The following SRP68 variants were observed in gnomAD, a reference collection of about 807,000 sequenced individuals.
SRP68 encodes signal recognition particle subunit SRP68.
A neutral mutation model predicts 82.2 loss-of-function variants in SRP68; 15 were observed. That is an observed-to-expected ratio of 0.18 (90% CI 0.12 to 0.28). The LOEUF is 0.28. Ranked by LOEUF, SRP68 falls within the 10% of genes least tolerant of loss-of-function variation. The pLI, the probability that SRP68 is intolerant of heterozygous loss-of-function variation, is 1.00. For missense variants in SRP68, 595 were observed against 780.5 expected, an observed-to-expected ratio of 0.76 and a Z score of 2.83; for synonymous variants, 261 against 292.6, an observed-to-expected ratio of 0.89 and a Z score of 1.10.
intron 8 of SRP68, 61 bp from the exon 9 acceptor site, chr17:76,050,587 G>A (rs1047234225): frequency 7.6e-7 from 1 of 1,312,934 alleles, no homozygotes; most frequent in African/African-American, 1.5e-5. Context: ...TCACCTAATG[G>A]GAGAGGAGCA....
chr17:76,062,047 G>C (rs576539372), intron 4 of SRP68, among the ~76,000 whole-genome samples: 37 of 152,092 alleles, frequency 2.4e-4, no homozygotes, highest in African/African-American at 8.7e-4. Context: ...AACACTGGGA[G>C]GCCGAGGTGA....
intron 8 of SRP68, among the ~76,000 whole-genome samples, chr17:76,055,059 T>G (rs1422052186): frequency 6.6e-6 from 1 of 151,194 alleles, no homozygotes; most frequent in East Asian, 2.0e-4. Context: ...CGGGTTTAAG[T>G]GATTCTCCTG....
At chr17:76,059,883 T>G (rs547273859) in intron 7 of SRP68, among the ~76,000 whole-genome samples, 1 of 151,718 alleles carries the variant, frequency 6.6e-6, no homozygotes, top group Non-Finnish European at 1.5e-5. Context: ...CCCAGCACTT[T>G]GGGAGGCTGA....
intron 7 of SRP68, 67 bp from the exon 8 acceptor site, chr17:76,057,610 G>A (rs557170905): frequency 6.5e-7 from 1 of 1,542,744 alleles, no homozygotes; most frequent in African/African-American, 1.4e-5. Flanking sequence ...GAAAATAAGT[G>A]GAATCTATCA....
chr17:76,063,758 T>C (rs1043619827), intron 4 of SRP68, among the ~76,000 whole-genome samples: 6 of 151,336 alleles, frequency 4.0e-5, no homozygotes, highest in African/African-American at 1.2e-4. Flanking sequence ...TTCTATTTTA[T>C]GGAATGAAGC....
rs1463817627 is a variant in SRP68, at chr17:76,047,891, TA to T, written c.1142+14del. The T allele has an allele frequency of 1.4e-6, 2 of 1,413,068 alleles. No individual in the cohort carries two copies. Among genetic ancestry groups the T allele is most frequent in the African/African-American group, 2.9e-5 (2 of 68,610 alleles). The allele number at this position is 1,413,068 out of a possible 1,614,324, so 87.5% of individuals were successfully genotyped here. On this transcript the variant is annotated intron_variant, in intron 10 of 15. Coordinates refer to ENST00000307877, the MANE Select transcript of SRP68 (RefSeq NM_014230.4). ...TAATAATATTAAAAAGTAAAAAAATTAAAATAACCCTTACCTATGCAAGTAT... is the reference window on the plus strand; with the variant it reads ...TAATAATATTAAAAAGTAAAAAAATTAAATAACCCTTACCTATGCAAGTAT...
Position 76,050,443 on chromosome 17 carries a change from C to A in SRP68, c.1062G>T (p.Glu354Asp), listed in dbSNP as rs145478645. ...AGGGTCCTACCTGATCTGGCTTGAG[C>A]TCCTCCCGAACCACCTGGATGGCGT... ...CRDAIQVVRE[E>D]LKPDQKQRDY... is the part of the protein sequence containing the mutation. Residue 354 changes from glutamate (E) to aspartate (D), a missense_variant, in exon 9 of 16, where the codon GAG becomes GAT. This residue lies in a region of SRP68 where 495 missense variants were observed against 688.6 expected (regional missense o/e 0.72). Coordinates refer to ENST00000307877, the MANE Select transcript of SRP68 (RefSeq NM_014230.4). 6.2e-7 allele frequency: 1 copy of A among 1,613,638 alleles called. No individual in the cohort carries two copies.
Position 76,064,098 on chromosome 17 carries a change from T to C in SRP68, c.439A>G (p.Thr147Ala), listed in dbSNP as rs370884129. The C allele has an allele frequency of 6.8e-6, 11 of 1,614,102 alleles. No homozygotes were observed. In the African/African-American group the frequency reaches 1.1e-4, roughly 16 times the overall value. Residue 147 changes from threonine (T) to alanine (A), a missense_variant, in exon 4 of 16, where the codon ACT (threonine) becomes GCT (alanine). This residue lies in a region of SRP68 where 495 missense variants were observed against 688.6 expected (regional missense o/e 0.72). Coordinates refer to ENST00000307877, the MANE Select transcript of SRP68 (RefSeq NM_014230.4). Reference sequence around the variant, plus strand: ...AAGTGAAACCGTTTTCGGGGTTCAGTGTTGGCTTCCTGTTTCAGCTGCATG... The same window carrying C: ...AAGTGAAACCGTTTTCGGGGTTCAGCGTTGGCTTCCTGTTTCAGCTGCATG... ...YAMQLKQEANTEPRKRFHLLS... is the reference protein window; with the variant it reads ...YAMQLKQEANAEPRKRFHLLS...
chr17:76,057,582 G>A, intron 7 of SRP68, 39 bp from the exon 8 acceptor site: 4 of 1,607,052 alleles, frequency 2.5e-6, no homozygotes, highest in Non-Finnish European at 3.4e-6. Flanking sequence ...TTTAACTGGG[G>A]ATATGAGTGA....
At position 76,052,010 on chromosome 17, in the gene SRP68, A is replaced by G. The variant is rs376437887; in HGVS notation, c.979-1484T>C. On this transcript the variant is annotated intron_variant, in intron 8 of 15. Transcript: ENST00000307877. The stretch of plus-strand genomic sequence containing the variant: ...GTAACCACCGCCTCCTGGGTTCATG[A>G]GATTCTCCTGCCTCAGCCTCCGGAG... 1.5e-3 allele frequency among the ~76,000 whole-genome samples: 225 copies of G among 152,242 alleles called. 1 individual carries two copies. Among genetic ancestry groups the G allele is most frequent in the African/African-American group, 5.2e-3 (215 of 41,556 alleles).
At chr17:76,060,140 A>G (rs989281963) in intron 7 of SRP68, among the ~76,000 whole-genome samples, 168 bp downstream of exon 7, 3 of 150,200 alleles carry the variant, frequency 2.0e-5, no homozygotes, top group Non-Finnish European at 4.4e-5. Flanking sequence ...AAAAAAAAAA[A>G]AAAAAAAAAA....
At position 76,039,416 on chromosome 17, in the gene SRP68, A is replaced by G. The variant is rs1447903667; in HGVS notation, c.*290T>C. On this transcript the variant is annotated 3_prime_UTR_variant, in exon 16 of 16. Transcript: ENST00000307877. Reference sequence around the variant, plus strand: ...GGACTCCTGAACGCATTACTGACCAAAGGCAATCAATCACAGCTCACAGGG... The same window carrying G: ...GGACTCCTGAACGCATTACTGACCAGAGGCAATCAATCACAGCTCACAGGG... 23 of 589,380 alleles carry G rather than the reference A, an allele frequency of 3.9e-5. No homozygotes were observed. The East Asian group carries it at 8.3e-4, about 21-fold the overall frequency. The allele number at this position is 589,380 out of a possible 1,614,324, so 36.5% of individuals were successfully genotyped here. A position where few individuals can be genotyped will look rare whatever the true frequency, so the allele number is the denominator to read the frequency against.
intron 8 of SRP68, chr17:76,053,744 G>A: frequency 1.4e-6 from 1 of 717,886 alleles, no homozygotes; most frequent in East Asian, 1.3e-4. Flanking sequence ...TGAAGGAGAA[G>A]CTCTCATGAT....
At position 76,039,455 on chromosome 17, in the gene SRP68, C is replaced by A; in HGVS notation, c.*251G>T. 1.6e-6 allele frequency: 1 copy of A among 641,314 alleles called. No individual in the cohort carries two copies. The highest frequency in any genetic ancestry group is 3.1e-5 in the East Asian group (1 of 32,384). The allele number at this position is 641,314 out of a possible 1,614,324, so 39.7% of individuals were successfully genotyped here. On this transcript the variant is annotated 3_prime_UTR_variant, in exon 16 of 16. Transcript: ENST00000307877. The stretch of plus-strand genomic sequence containing the variant: ...CAGCTCACAGGGCACCAGACAGCAG[C>A]GGCCCCTTTCCCAGGAGGTACAGGA...
intron 4 of SRP68, among the ~76,000 whole-genome samples, chr17:76,062,485 GATATATATATATAAT>G (rs1241145864): frequency 4.2e-5 from 4 of 95,854 alleles, no homozygotes; most frequent in East Asian, 2.6e-4. Context: ...AGAATATGGA[GATATATATATATAAT>G]ATATATATAA....
At chr17:76,070,675 T>C (rs902622662) in intron 1 of SRP68, among the ~76,000 whole-genome samples, 2 of 152,084 alleles carry the variant, frequency 1.3e-5, no homozygotes, top group Non-Finnish European at 2.9e-5. Flanking sequence ...ACCCCGTCTC[T>C]ACTAAAAACA....
chr17:76,040,913 T>C lies in SRP68; in HGVS notation c.1590A>G (p.Ala530=). 4.3e-6 allele frequency: 7 copies of C among 1,613,968 alleles called. No individual in the cohort carries two copies. The highest frequency in any genetic ancestry group is 5.1e-6 in the Non-Finnish European group (6 of 1,179,956). Residue 530 remains alanine (A), a synonymous_variant, in exon 14 of 16, where the codon GCA becomes GCG. Coordinates refer to ENST00000307877, the MANE Select transcript of SRP68 (RefSeq NM_014230.4). ...AGGCAGGGGGCTCACCAAGGATGGC[T>C]GCGGCCTGCAGGGAGCACTTCTCTG... is the stretch of plus-strand genomic sequence containing the variant. ...VRSEKCSLQA[A]AILDANDAHQ...
chr17:76,060,720 T>A (rs1329259704), intron 6 of SRP68: 2 of 342,486 alleles, frequency 5.8e-6, no homozygotes, highest in South Asian at 4.7e-5. Context: ...TTGTAACAAA[T>A]GCACCCCTCT....
At position 76,071,446 on chromosome 17, in the gene SRP68, T is replaced by C. The variant is rs1279601222; in HGVS notation, c.184+862A>G. 6.6e-6 allele frequency among the ~76,000 whole-genome samples: 1 copy of C among 152,180 alleles called. No homozygotes were observed. ...ACTTCTCTAGAGACATATTTTAAAA[T>C]AGTGAACGCTAAAAGGACTCTTTAA... is the stretch of plus-strand genomic sequence containing the variant. On this transcript the variant is annotated intron_variant, in intron 1 of 15. Coordinates refer to ENST00000307877, the MANE Select transcript of SRP68 (RefSeq NM_014230.4). This position sits in a 1 kb window ranked among gnomAD's most constrained non-coding sequence, Gnocchi z 4.7.
Sources: gnomAD v4.1 joint callset for allele counts (sites outside exome capture counted in the v4.1 genomes callset) on GRCh38, gnomAD v4.1.1 for gene constraint, gnomAD v4.1.1 regional missense constraint, Gnocchi (gnomAD v3.1) non-coding constraint, MANE v1.5 for transcripts, NCBI Gene and HGNC (gene_info 2026-07-23, HGNC 2026-07-21) for gene names.